MTHFS: variants seen among roughly 807,000 people sequenced by gnomAD.
The protein encoded by MTHFS is methenyltetrahydrofolate synthetase.
A neutral mutation model predicts 12.7 loss-of-function variants in MTHFS; 7 were observed. The ratio of observed to expected loss-of-function variants is 0.55; its 90% CI spans 0.31 to 1.03. The LOEUF (loss-of-function observed/expected upper bound fraction) is 1.03, where lower values mean the gene tolerates loss of function less well. MTHFS is among the 50% of genes least tolerant of loss of function. The pLI, the probability that MTHFS is intolerant of heterozygous loss-of-function variation, is 0.05. For missense variants in MTHFS, 252 were observed against 258.1 expected, an observed-to-expected ratio of 0.98 and a Z score of 0.16; for synonymous variants, 100 against 97.1, an observed-to-expected ratio of 1.03 and a Z score of -0.18.
chr15:79,846,078 G>A (rs922064561), intron 2 of MTHFS, among the ~76,000 whole-genome samples: 15 of 152,206 alleles, frequency 9.9e-5, no homozygotes, highest in Non-Finnish European at 1.2e-4. Context: ...CAAGTAACAC[G>A]AAGACCAGAA....
chr15:79,884,567 T>C (rs1226044965), intron 2 of MTHFS, among the ~76,000 whole-genome samples: 1 of 152,068 alleles, frequency 6.6e-6, no homozygotes, highest in Non-Finnish European at 1.5e-5. Context: ...AGACTAAGAA[T>C]TCCCCCAAAA....
At chr15:79,851,529 A>G (rs1289018050) in intron 2 of MTHFS, among the ~76,000 whole-genome samples, 2 of 152,194 alleles carry the variant, frequency 1.3e-5, no homozygotes, top group Non-Finnish European at 2.9e-5. Context: ...GAGCACAGAA[A>G]CTAACATTTG....
intron 2 of MTHFS, among the ~76,000 whole-genome samples, chr15:79,887,710 C>T (rs1193755332): frequency 6.6e-6 from 1 of 152,162 alleles, no homozygotes; most frequent in Non-Finnish European, 1.5e-5. Flanking sequence ...ACTCTGTATT[C>T]CCTTATTATC....
At chr15:79,846,856 C>G (rs982677574) in intron 2 of MTHFS, among the ~76,000 whole-genome samples, 6 of 152,196 alleles carry the variant, frequency 3.9e-5, no homozygotes, top group African/African-American at 1.4e-4. Flanking sequence ...GTCTTCTATA[C>G]CTAGAACACA....
At chr15:79,866,492 A>G (rs1423523968) in intron 2 of MTHFS, among the ~76,000 whole-genome samples, 1 of 152,202 alleles carries the variant, frequency 6.6e-6, no homozygotes, top group Non-Finnish European at 1.5e-5. Flanking sequence ...AAGGGAGCTG[A>G]TGTGGATGCT....
chr15:79,896,727 C>G, intron 1 of MTHFS, 145 bp downstream of exon 1: 3 of 936,260 alleles, frequency 3.2e-6, no homozygotes, highest in East Asian at 4.7e-5. Context: ...CGTGCGCGCG[C>G]CGGGAGGGGA....
At chr15:79,870,819 C>T (rs1038727009) in intron 2 of MTHFS, among the ~76,000 whole-genome samples, 1 of 152,204 alleles carries the variant, frequency 6.6e-6, no homozygotes, top group Admixed American at 6.5e-5. Flanking sequence ...TAATTTTAAA[C>T]ACCAGTTTAT....
chr15:79,881,396 A>C (rs2034292342), intron 2 of MTHFS, among the ~76,000 whole-genome samples: 1 of 152,206 alleles, frequency 6.6e-6, no homozygotes, highest in African/African-American at 2.4e-5. Flanking sequence ...ACAAGAAGTA[A>C]ATTACCATTC....
chr15:79,853,179 C>T lies in MTHFS; in HGVS notation c.380-7737G>A, dbSNP rs1480436805. Among the ~76,000 whole-genome samples, 9 of 152,182 alleles carry T rather than the reference C, an allele frequency of 5.9e-5. No homozygotes were observed. The East Asian group carries it at 1.7e-3, about 29-fold the overall frequency. The stretch of plus-strand genomic sequence containing the variant: ...ACCTCTGAAACAAAGTATTAAAGAA[C>T]AGGAGACTTGGATGAGAAGACTATT... On this transcript the variant is annotated intron_variant, in intron 2 of 2. Coordinates refer to ENST00000258874, the MANE Select transcript of MTHFS (RefSeq NM_006441.4).
At position 79,883,779 on chromosome 15, in the gene MTHFS, T is replaced by G. The variant is rs1490420360; in HGVS notation, c.379+5314A>C. On this transcript the variant is annotated intron_variant, in intron 2 of 2. Transcript: ENST00000258874. ...ATTTTCAGATGGGGAAATTTGGACT[T>G]TGAGATGTTAAGTAATTCTGCCCAA... Among the ~76,000 whole-genome samples the G allele has an allele frequency of 5.9e-5, 9 of 152,332 alleles. No homozygotes were observed. The East Asian group carries it at 1.7e-3, about 29-fold the overall frequency.
chr15:79,867,933 G>T (rs2034040654), intron 2 of MTHFS, among the ~76,000 whole-genome samples: 1 of 152,234 alleles, frequency 6.6e-6, no homozygotes, highest in South Asian at 2.1e-4. Flanking sequence ...GTGTGAGAGA[G>T]AGAGAGCACG....
At chr15:79,885,815 A>C (rs987898983) in intron 2 of MTHFS, among the ~76,000 whole-genome samples, 1 of 152,232 alleles carries the variant, frequency 6.6e-6, no homozygotes, top group African/African-American at 2.4e-5. Context: ...CAGTAAATGA[A>C]ACTGATATAG....
intron 2 of MTHFS, among the ~76,000 whole-genome samples, chr15:79,872,024 G>A (rs2034114965): frequency 7.2e-6 from 1 of 138,400 alleles, no homozygotes; most frequent in South Asian, 2.3e-4. Context: ...AGAATCGCTT[G>A]AACCCAGGAG....
At chr15:79,864,760 A>G (rs2033980715) in intron 2 of MTHFS, among the ~76,000 whole-genome samples, 1 of 152,082 alleles carries the variant, frequency 6.6e-6, no homozygotes, top group Admixed American at 6.6e-5. Context: ...TATTTGTTAC[A>G]CAAGTGAGTG....
chr15:79,870,722 TCTCTATA>T (rs1361546154), intron 2 of MTHFS, among the ~76,000 whole-genome samples: 1 of 152,194 alleles, frequency 6.6e-6, no homozygotes. Flanking sequence ...AAATGACTCT[TCTCTATA>T]CTCTATAATA....
intron 2 of MTHFS, among the ~76,000 whole-genome samples, chr15:79,886,636 T>C (rs911217162): frequency 6.6e-6 from 1 of 152,204 alleles, no homozygotes; most frequent in Non-Finnish European, 1.5e-5. Flanking sequence ...TTCTATGTTT[T>C]TAATATTCAG....
chr15:79,884,298 G>C (rs1383433269), intron 2 of MTHFS, among the ~76,000 whole-genome samples: 1 of 152,188 alleles, frequency 6.6e-6, no homozygotes, highest in African/African-American at 2.4e-5. Flanking sequence ...CTGTACCAAG[G>C]AGGCACAAGT....
At chr15:79,872,801 A>G (rs9635381) in intron 2 of MTHFS, among the ~76,000 whole-genome samples, 32,367 of 152,070 alleles carry the variant, frequency 0.21, 3,921 homozygotes, top group East Asian at 0.48. Context: ...CACTTTTGTC[A>G]TCGTCTGCTG....
At position 79,889,188 on chromosome 15, in the gene MTHFS, A is replaced by G; in HGVS notation, c.284T>C (p.Ile95Thr). ...TAAAGAAATTTCCTCTGGTGATTCT[A>G]TTCTCACCATATCCATGTGATTGCT... ...FQSNHMDMVRIESPEEISLLP... is the reference protein window; with the variant it reads ...FQSNHMDMVRTESPEEISLLP... The change falls in exon 2 of 3, where the codon ATA becomes ACA. Residue 95 changes from isoleucine (I) to threonine (T), a missense_variant. By Grantham distance (89) the Ile-to-Thr change is moderately conservative (BLOSUM62 -1). Transcript: ENST00000258874. The G allele has an allele frequency of 2.5e-6, 4 of 1,614,178 alleles. No individual in the cohort carries two copies. The highest frequency in any genetic ancestry group is 3.3e-5 in the Admixed American group (2 of 60,018).
Sources: gnomAD v4.1 joint callset for allele counts (sites outside exome capture counted in the v4.1 genomes callset) on GRCh38, gnomAD v4.1.1 for gene constraint, MANE v1.5 for transcripts, NCBI Gene and HGNC (gene_info 2026-07-23, HGNC 2026-07-21) for gene names.